PTCH1: variants seen among roughly 807,000 people sequenced by gnomAD.
The protein encoded by PTCH1 is protein patched homolog 1.
Under a neutral mutation model 144.6 loss-of-function variants are expected in PTCH1, and 14 were observed. That is an observed-to-expected ratio of 0.10 (90% CI 0.06 to 0.15). The LOEUF is 0.15. PTCH1 is among the 10% of genes least tolerant of loss of function. The probability of loss-of-function intolerance (pLI) is 1.00; values close to 1 mark genes in which losing one functional copy is unlikely to be tolerated. For missense variants in PTCH1, 1,623 were observed against 1,948.3 expected, an observed-to-expected ratio of 0.83 and a Z score of 3.14; for synonymous variants, 833 against 793.6, an observed-to-expected ratio of 1.05 and a Z score of -0.83.
rs2136549430 is a variant in PTCH1 at position 95,443,613 on chromosome 9, T to A, written c.*2780A>T. ...ACTCTCTTAACACTGTTAAACATTTTCTTTCCTTGCTGTAATTTACAATGA... is the reference window on the plus strand; with the variant it reads ...ACTCTCTTAACACTGTTAAACATTTACTTTCCTTGCTGTAATTTACAATGA... On this transcript the variant is annotated 3_prime_UTR_variant, in exon 24 of 24. Transcript: ENST00000331920. The A allele has an allele frequency of 6.5e-6, 1 of 152,688 alleles. No homozygotes were observed. Among genetic ancestry groups the A allele is most frequent in the East Asian group, 1.9e-4 (1 of 5,186 alleles). The allele number at this position is 152,688 out of a possible 1,614,324, so 9.5% of individuals were successfully genotyped here. A position where few individuals can be genotyped will look rare whatever the true frequency, so the allele number is the denominator to read the frequency against.
chr9:95,508,671 C>G lies in PTCH1; in HGVS notation c.-310G>C, dbSNP rs1189816274. ...TGCCCACATCCAGTTCGCGGAAGAG[C>G]GAGAGCCGGCGCGCCGAGCGAGCCT... On this transcript the variant is annotated 5_prime_UTR_variant, in exon 1 of 24. Coordinates refer to ENST00000331920, the MANE Select transcript of PTCH1 (RefSeq NM_000264.5). 18 of 987,508 alleles carry G rather than the reference C, an allele frequency of 1.8e-5. No homozygotes were observed. The highest frequency in any genetic ancestry group is 2.2e-5 in the Non-Finnish European group (18 of 831,612). 61.2% of individuals were successfully genotyped at this position (987,508 alleles called of 1,614,324 possible).
chr9:95,473,405 G>A (rs1840746976), intron 12 of PTCH1, among the ~76,000 whole-genome samples: 1 of 152,096 alleles, frequency 6.6e-6, no homozygotes, highest in South Asian at 2.1e-4. Flanking sequence ...ACCTGATACT[G>A]TTCATCAATG....
Position 95,447,214 on chromosome 9 carries a change from T to C in PTCH1, c.4042A>G (p.Asn1348Asp), listed in dbSNP as rs766576144. Residue 1348 changes from asparagine (N) to aspartate (D), a missense_variant, in exon 23 of 24, where the codon AAC becomes GAC. Asn to Asp is a conservative substitution (Grantham distance 23, BLOSUM62 1). Coordinates refer to ENST00000331920, the MANE Select transcript of PTCH1 (RefSeq NM_000264.5). ...RWGPRGARSH[N>D]PRNPASTAMG... ...GCAGTGGACGCTGGGTTCCGAGGGT[T>C]GTGAGAACGGGCCCCGCGAGGGCCC... 11 of 1,612,888 alleles carry C rather than the reference T, an allele frequency of 6.8e-6. No homozygotes were observed. The highest frequency in any genetic ancestry group is 9.3e-6 in the Non-Finnish European group (11 of 1,179,872).
chr9:95,457,533 C>T (rs1016220169), intron 18 of PTCH1, among the ~76,000 whole-genome samples: 18 of 152,104 alleles, frequency 1.2e-4, no homozygotes, highest in Admixed American at 7.2e-4. Flanking sequence ...AAAACAGGTT[C>T]GTAATATTAG....
chr9:95,451,258 T>C (rs1403027956), intron 20 of PTCH1: 1 of 152,210 alleles, frequency 6.6e-6, no homozygotes, highest in Admixed American at 6.5e-5. Context: ...GCAGCCACAT[T>C]AAGACATTTG....
chr9:95,471,251 A>T (rs1362699344), intron 12 of PTCH1, among the ~76,000 whole-genome samples: 1 of 152,212 alleles, frequency 6.6e-6, no homozygotes, highest in Non-Finnish European at 1.5e-5. Flanking sequence ...AGGGCTTTGG[A>T]TGGGAATTGT....
chr9:95,476,265 G>C lies in PTCH1; in HGVS notation c.1603-106C>G. The C allele has an allele frequency of 6.7e-7, 1 of 1,483,286 alleles. No homozygotes were observed. The highest frequency in any genetic ancestry group is 9.1e-7 in the Non-Finnish European group (1 of 1,096,806). 91.9% of individuals were successfully genotyped at this position (1,483,286 alleles called of 1,614,324 possible). On this transcript the variant is annotated intron_variant, in intron 11 of 23. Transcript: ENST00000331920. The surrounding 1 kb of genome is among the most constrained non-coding windows in gnomAD (Gnocchi z 4.6). ...GCAGAATAACACAACTGTTATTACA[G>C]CTTATCATGCTGGCATTAGGGAAAC...
At chr9:95,507,889 A>T (rs1355619) in intron 1 of PTCH1, 1 of 1,274,322 alleles carries the variant, frequency 7.8e-7, no homozygotes, top group African/African-American at 1.5e-5. Flanking sequence ...AAGGCACACC[A>T]GGGAGGGCGT....
In PTCH1 at chr9:95,443,258, A is replaced by T. The variant is rs1213367036; in HGVS notation, c.*3135T>A. On this transcript the variant is annotated 3_prime_UTR_variant, in exon 24 of 24. Transcript: ENST00000331920. ...ATACCCACTATTTATACAAAACAAA[A>T]AGGAGGAAAACCTAAAACTCTCTCC... The T allele has an allele frequency of 2.0e-5, 3 of 152,204 alleles. No individual in the cohort carries two copies. The allele number at this position is 152,204 out of a possible 1,614,324, so 9.4% of individuals were successfully genotyped here. A position where few individuals can be genotyped will look rare whatever the true frequency, so the allele number is the denominator to read the frequency against.
In PTCH1 at chr9:95,449,462, C is replaced by T; in HGVS notation, c.3550-139G>A. The T allele has an allele frequency of 8.1e-7, 1 of 1,237,048 alleles. No individual in the cohort carries two copies. Among genetic ancestry groups the T allele is most frequent in the Non-Finnish European group, 1.1e-6 (1 of 879,504 alleles). 76.6% of individuals were successfully genotyped at this position (1,237,048 alleles called of 1,614,324 possible). ...GCGCACTGTGCCGTATTAACCTCCC[C>T]TTCTCTACCACCTGGAGGACCTTCA... On this transcript the variant is annotated intron_variant, in intron 21 of 23. Transcript: ENST00000331920. This position sits in a 1 kb window ranked among gnomAD's most constrained non-coding sequence, Gnocchi z 5.3.
intron 20 of PTCH1, chr9:95,451,549 A>C (rs1838463402): frequency 6.6e-6 from 1 of 152,096 alleles, no homozygotes; most frequent in Non-Finnish European, 1.5e-5. Flanking sequence ...CATCCCCCAC[A>C]AGGCTGAGCG....
At chr9:95,463,680 G>A (rs976455904) in intron 15 of PTCH1, among the ~76,000 whole-genome samples, 11 of 152,134 alleles carry the variant, frequency 7.2e-5, no homozygotes, top group Non-Finnish European at 1.5e-4. Flanking sequence ...TGAGTGTGGG[G>A]TGGCGCTGGG....
intron 2 of PTCH1, among the ~76,000 whole-genome samples, chr9:95,491,647 A>G (rs1842417327): frequency 6.6e-6 from 1 of 152,170 alleles, no homozygotes; most frequent in South Asian, 2.1e-4. Flanking sequence ...CTACCCTGCG[A>G]GCCTCATGGT....
upstream of PTCH1, among the ~76,000 whole-genome samples, chr9:95,511,669 C>T (rs1324809305): frequency 6.6e-6 from 1 of 152,212 alleles, no homozygotes; most frequent in Non-Finnish European, 1.5e-5. Context: ...GACGGCTCCA[C>T]ACATTGCCAG....
Position 95,459,686 on chromosome 9 carries a change from T to C in PTCH1, c.2801A>G (p.Tyr934Cys). The part of the protein sequence containing the change: ...TAWVSNDPVA[Y>C]AASQANIRPH... ...CCGGATGTTGGCCTGGGAGGCAGCATACGCGACGGGGTCGTTGCTGACCCA... is the reference window on the plus strand; with the variant it reads ...CCGGATGTTGGCCTGGGAGGCAGCACACGCGACGGGGTCGTTGCTGACCCA... The change falls in exon 17 of 24, where the codon TAT becomes TGT. Residue 934 changes from tyrosine to cysteine, a missense_variant. Tyr to Cys is a radical substitution (Grantham distance 194, BLOSUM62 -2). This residue lies in a region of PTCH1 where 504 missense variants were observed against 679.3 expected (regional missense o/e 0.74). Transcript: ENST00000331920. The C allele has an allele frequency of 6.2e-7, 1 of 1,614,224 alleles. No individual in the cohort carries two copies. The highest frequency in any genetic ancestry group is 8.5e-7 in the Non-Finnish European group (1 of 1,180,034).
intron 16 of PTCH1, chr9:95,459,996 C>T (rs1210306751): frequency 1.6e-6 from 1 of 615,922 alleles, no homozygotes; most frequent in East Asian, 2.9e-5. Flanking sequence ...TTATAACAAA[C>T]ACAGTTCTGC....
chr9:95,486,570 G>A (rs571812615), intron 2 of PTCH1, among the ~76,000 whole-genome samples: 12 of 152,350 alleles, frequency 7.9e-5, no homozygotes, highest in East Asian at 7.7e-4. Flanking sequence ...CCTGTTTTCC[G>A]GAAGCACCCC....
At chr9:95,474,128 G>A (rs1249554352) in intron 12 of PTCH1, 1 of 491,094 alleles carries the variant, frequency 2.0e-6, no homozygotes, top group South Asian at 1.5e-5. Flanking sequence ...CGGCCTCGAT[G>A]AGCCATCAGT....
In PTCH1 at chr9:95,475,978, G is replaced by A. The variant is rs1840994802; in HGVS notation, c.1728+56C>T. The A allele has an allele frequency of 1.4e-5, 22 of 1,610,684 alleles. No individual in the cohort carries two copies. In the South Asian group the frequency reaches 2.1e-4, roughly 15 times the overall value. The stretch of plus-strand genomic sequence containing the variant: ...TTAGCAGAGACCGCAGACATGGGAT[G>A]CTGGAAGTCAGTGCCCCGTTCAGGA... On this transcript the variant is annotated intron_variant, in intron 12 of 23. Transcript: ENST00000331920.
Sources: allele counts gnomAD v4.1 joint callset (sites outside exome capture counted in the v4.1 genomes callset), GRCh38; gene constraint gnomAD v4.1.1; regional missense constraint gnomAD v4.1.1; non-coding constraint Gnocchi (gnomAD v3.1); transcripts MANE v1.5; gene names NCBI Gene and HGNC (gene_info 2026-07-23, HGNC 2026-07-21).